Variants in ATP4B observed in about 807,000 individuals in gnomAD.
The protein encoded by ATP4B is potassium-transporting ATPase subunit beta.
ATP4B carries 27 observed loss-of-function variants against 35.3 expected under a neutral mutation model. The observed-to-expected ratio is 0.76, with a 90% confidence interval of 0.56 to 1.05. ATP4B has a LOEUF of 1.05. Among genes scored for constraint, ATP4B ranks in the 50% least tolerant of loss-of-function variants. The pLI, the probability that ATP4B is intolerant of heterozygous loss-of-function variation, is 0.00. For synonymous variants in ATP4B, 162 were observed against 156.0 expected (o/e 1.04, Z -0.29); for missense variants, 375 against 384.8 (o/e 0.97, Z 0.21).
chr13:113,657,945 C>T, intron 1 of ATP4B, 88 bp downstream of exon 1: 4 of 1,136,056 alleles, frequency 3.5e-6, no homozygotes, highest in Non-Finnish European at 5.0e-6. Flanking sequence ...CAGGGGCCCT[C>T]TGCTCCCCTC....
chr13:113,657,575 C>T (rs574307595), intron 1 of ATP4B, among the ~76,000 whole-genome samples: 32 of 152,340 alleles, frequency 2.1e-4, no homozygotes, highest in South Asian at 1.4e-3. Context: ...TGGTTTACTC[C>T]CCACCTCCGC....
chr13:113,654,777 T>C, intron 2 of ATP4B, 37 bp downstream of exon 2: 2 of 1,604,470 alleles, frequency 1.2e-6, no homozygotes, highest in Non-Finnish European at 1.7e-6. Flanking sequence ...CAGCCTGGCC[T>C]GTCACACGGC....
chr13:113,651,851 AGGGCCCTTGGTCTGGTTT>A, intron 4 of ATP4B, 124 bp from the exon 5 acceptor site: 1 of 1,159,412 alleles, frequency 8.6e-7, no homozygotes, highest in South Asian at 1.7e-5. Context: ...AGGACTGAGA[AGGGCCCTTGGTCTGGTTT>A]GCGGCTTCCC....
intron 1 of ATP4B, among the ~76,000 whole-genome samples, chr13:113,656,983 C>T (rs1426098787): frequency 1.3e-5 from 2 of 152,348 alleles, no homozygotes; most frequent in South Asian, 2.1e-4. Context: ...CGGTCCCTGC[C>T]TCTCTAGGAA....
rs1209778631 is a variant in ATP4B at position 113,652,886 on chromosome 13, A to G, written c.542T>C (p.Ile181Thr). 6.2e-7 allele frequency: 1 copy of G among 1,614,190 alleles called. No individual in the cohort carries two copies. Among genetic ancestry groups the G allele is most frequent in the South Asian group, 1.1e-5 (1 of 91,078 alleles). The change falls in exon 4 of 7, where the codon ATT becomes ACT. Residue 181 changes from isoleucine to threonine, a missense_variant. Ile to Thr is a moderately conservative substitution (Grantham distance 89). Coordinates refer to ENST00000335288, the MANE Select transcript of ATP4B (RefSeq NM_000705.4). Reference sequence around the variant, plus strand: ...CTCAGTACTCACCCTGTTCATTTTAATAATAAAACATGGCTTTCCTTCTTC... The same window carrying G: ...CTCAGTACTCACCCTGTTCATTTTAGTAATAAAACATGGCTTTCCTTCTTC... ...GFEEGKPCFI[I>T]KMNRIVKFLP...
chr13:113,652,641 T>G, intron 4 of ATP4B: 1 of 613,294 alleles, frequency 1.6e-6, no homozygotes, highest in East Asian at 3.0e-5. Flanking sequence ...TGTTTCCACA[T>G]GTTTTAGAGG....
rs915009852 is a variant in ATP4B, at chr13:113,650,887, G to A, written c.613-380C>T. 2.0e-5 allele frequency among the ~76,000 whole-genome samples: 3 copies of A among 152,098 alleles called. No homozygotes were observed. The highest frequency in any genetic ancestry group is 2.9e-5 in the Non-Finnish European group (2 of 68,010). ...TGGTGTGAGTGGGGCAAGCGAATGC[G>A]TTTTTGTGAGATTGGGGCCCTCTCG... On this transcript the variant is annotated intron_variant, in intron 5 of 6. Coordinates refer to ENST00000335288, the MANE Select transcript of ATP4B (RefSeq NM_000705.4). This position sits in a 1 kb window ranked among gnomAD's most constrained non-coding sequence, Gnocchi z 5.0.
At chr13:113,655,090 C>T in intron 1 of ATP4B, 148 bp from the exon 2 acceptor site, 1 of 1,135,596 alleles carries the variant, frequency 8.8e-7, no homozygotes, top group Non-Finnish European at 1.2e-6. Context: ...AAACCCCGTC[C>T]CCACAAACAG....
chr13:113,652,067 C>G (rs541134801), intron 4 of ATP4B, among the ~76,000 whole-genome samples: 2 of 152,202 alleles, frequency 1.3e-5, no homozygotes, highest in African/African-American at 4.8e-5. Context: ...GAGCACGGGC[C>G]GGCCTGCCTC....
chr13:113,657,596 C>T (rs955356116), intron 1 of ATP4B, among the ~76,000 whole-genome samples: 2 of 152,254 alleles, frequency 1.3e-5, no homozygotes, highest in African/African-American at 2.4e-5. Context: ...ATCTGGACGC[C>T]AGCGGGTGTC....
At position 113,650,471 on chromosome 13, in the gene ATP4B, T is replaced by G; in HGVS notation, c.649A>C (p.Lys217Gln). 1 of 1,613,948 alleles carries G rather than the reference T, an allele frequency of 6.2e-7. No individual in the cohort carries two copies. Among genetic ancestry groups the G allele is most frequent in the Non-Finnish European group, 8.5e-7 (1 of 1,179,900 alleles). The change falls in exon 6 of 7, where the codon AAG (lysine) becomes CAG (glutamine). Residue 217 changes from lysine to glutamine, a missense_variant. Lys to Gln is a moderately conservative substitution (Grantham distance 53). Transcript: ENST00000335288. This position sits in a 1 kb window ranked among gnomAD's most constrained non-coding sequence, Gnocchi z 5.0. The part of the protein sequence containing the change: ...PRELGQPLQV[K>Q]YYPPNGTFSL... The stretch of plus-strand genomic sequence containing the variant: ...AAGGTGCCGTTGGGAGGGTAGTACT[T>G]GACCTGCAGCGGCTGGCCGAGCTCG...
In ATP4B at chr13:113,658,050, C is replaced by T. The variant is rs765698016; in HGVS notation, c.95G>A (p.Arg32His). The T allele has an allele frequency of 5.0e-6, 8 of 1,604,250 alleles. No individual in the cohort carries two copies. The highest frequency in any genetic ancestry group is 2.3e-5 in the East Asian group (1 of 44,398). Residue 32 changes from arginine to histidine, a missense_variant, in exon 1 of 7, where the codon CGC becomes CAC. Arg to His is a conservative substitution (Grantham distance 29). Transcript: ENST00000335288. ...GCACGTACCCCACCGGGACAGGGTG[C>T]GGCCCAGCATCTGCCCCGTGTCCGG... is the stretch of plus-strand genomic sequence containing the variant. Reference protein sequence around the residue: ...WNPDTGQMLGRTLSRWVWISL... With the variant: ...WNPDTGQMLGHTLSRWVWISL...
At chr13:113,657,529 C>T (rs372801950) in intron 1 of ATP4B, among the ~76,000 whole-genome samples, 1 of 152,206 alleles carries the variant, frequency 6.6e-6, no homozygotes, top group Non-Finnish European at 1.5e-5. Context: ...GGGCAGACCT[C>T]GCACAAGGCG....
Position 113,649,732 on chromosome 13 carries a change from G to T in ATP4B, c.715-197C>A, listed in dbSNP as rs917798874. ...TGTAAAAATGGAAAGCAACTGTCTG[G>T]AGGGGACAGACAATACCAGGAGTAA... On this transcript the variant is annotated intron_variant, in intron 6 of 6. Transcript: ENST00000335288. The surrounding 1 kb of genome is among the most constrained non-coding windows in gnomAD (Gnocchi z 4.7). 6.6e-6 allele frequency among the ~76,000 whole-genome samples: 1 copy of T among 152,210 alleles called. No homozygotes were observed. Among genetic ancestry groups the T allele is most frequent in the Non-Finnish European group, 1.5e-5 (1 of 68,034 alleles).
chr13:113,654,402 C>T (rs1483861594), intron 2 of ATP4B, among the ~76,000 whole-genome samples: 1 of 152,134 alleles, frequency 6.6e-6, no homozygotes. Flanking sequence ...TGCTGGTCTC[C>T]CGGGTGTGCT....
At chr13:113,651,788 G>A in intron 4 of ATP4B, 61 bp from the exon 5 acceptor site, 1 of 1,577,364 alleles carries the variant, frequency 6.3e-7, no homozygotes, top group African/African-American at 1.3e-5. Context: ...GAGGTGCACG[G>A]CACCCACCCA....
At chr13:113,657,891 C>T (rs567047876) in intron 1 of ATP4B, 142 bp downstream of exon 1, 50 of 700,668 alleles carry the variant, frequency 7.1e-5, no homozygotes, top group Non-Finnish European at 1.0e-4. Context: ...AGGCCCTGGC[C>T]GAAGCCCGTC....
At chr13:113,651,632 T>C in intron 5 of ATP4B, 39 bp downstream of exon 5, 4 of 1,557,762 alleles carry the variant, frequency 2.6e-6, no homozygotes, top group Non-Finnish European at 3.5e-6. Flanking sequence ...ACAAGCTCCT[T>C]TCCTGGGGCA....
chr13:113,651,771 G>A (rs749106748), intron 4 of ATP4B, 44 bp from the exon 5 acceptor site: 11 of 1,602,040 alleles, frequency 6.9e-6, no homozygotes, highest in East Asian at 6.7e-5. Context: ...CACCCCCACC[G>A]CCATGTGAGG....
Sources: allele counts gnomAD v4.1 joint callset (sites outside exome capture counted in the v4.1 genomes callset), GRCh38; gene constraint gnomAD v4.1.1; non-coding constraint Gnocchi (gnomAD v3.1); transcripts MANE v1.5; gene names NCBI Gene and HGNC (gene_info 2026-07-23, HGNC 2026-07-21).